Variants in ARHGAP6 observed in about 807,000 individuals in gnomAD.
ARHGAP6 encodes the protein rho GTPase-activating protein 6.
Under a neutral mutation model 55.7 loss-of-function variants are expected in ARHGAP6, and 16 were observed. That is an observed-to-expected ratio of 0.29 (90% CI 0.19 to 0.44). The LOEUF (loss-of-function observed/expected upper bound fraction) is 0.44, where lower values mean the gene tolerates loss of function less well. Among genes scored for constraint, ARHGAP6 ranks in the 20% least tolerant of loss-of-function variants. The pLI is 1.00. For synonymous variants in ARHGAP6, 382 were observed against 360.9 expected (o/e 1.06, Z -0.66); for missense variants, 698 against 808.9 (o/e 0.86, Z 1.66).
In ARHGAP6 at chrX:11,425,235, A is replaced by C. The variant is rs190944559; in HGVS notation, c.589-170528T>G. ...CATTCATGTCAAGGAAGACAGACCC[A>C]AAAAAAACCCAAGATCACAGGAAAA... On this transcript the variant is annotated intron_variant, in intron 1 of 12. Transcript: ENST00000337414. Among the ~76,000 whole-genome samples the C allele has an allele frequency of 4.5e-3, 499 of 111,405 alleles. 3 individuals are homozygous for C. The highest frequency in any genetic ancestry group is 6.3e-3 in the Non-Finnish European group (331 of 52,897).
At chrX:11,363,119 T>C (rs528876053) in intron 1 of ARHGAP6, among the ~76,000 whole-genome samples, 1 of 112,068 alleles carries the variant, frequency 8.9e-6, no homozygotes, top group African/African-American at 3.2e-5. Flanking sequence ...GTTCCACAAA[T>C]AGCTAATGAG....
intron 1 of ARHGAP6, among the ~76,000 whole-genome samples, chrX:11,429,629 C>T (rs942414581): frequency 1.8e-5 from 2 of 112,296 alleles, no homozygotes; most frequent in Non-Finnish European, 3.8e-5. Flanking sequence ...TTTCATTCTC[C>T]CACAGCCTGA....
intron 3 of ARHGAP6, among the ~76,000 whole-genome samples, chrX:11,190,789 C>T (rs1248165413): frequency 9.0e-6 from 1 of 111,422 alleles, no homozygotes; most frequent in Non-Finnish European, 1.9e-5. Context: ...TAAGGAAAAC[C>T]AACCAGACTC....
rs749660437 is a variant in ARHGAP6 at position 11,182,031 on chromosome X, G to A, written c.1329+32C>T. ...AAGGTAATTCAATTGAAAGTCATGTGAAACAAAATATAATCTTTACTTTTC... is the reference window on the plus strand; with the variant it reads ...AAGGTAATTCAATTGAAAGTCATGTAAAACAAAATATAATCTTTACTTTTC... On this transcript the variant is annotated intron_variant, in intron 6 of 12. Coordinates refer to ENST00000337414, the MANE Select transcript of ARHGAP6 (RefSeq NM_013427.3). 1.3e-5 allele frequency: 15 copies of A among 1,153,695 alleles called. No homozygotes were observed. The East Asian group carries it at 4.6e-4, about 36-fold the overall frequency.
At chrX:11,477,966 A>G (rs2050420383) in intron 1 of ARHGAP6, among the ~76,000 whole-genome samples, 1 of 112,082 alleles carries the variant, frequency 8.9e-6, no homozygotes, top group Non-Finnish European at 1.9e-5. Context: ...CACACTTAAG[A>G]TGGCATATTT....
intron 1 of ARHGAP6, among the ~76,000 whole-genome samples, chrX:11,545,863 A>T (rs1242167164): frequency 9.0e-6 from 1 of 111,649 alleles, no homozygotes; most frequent in Non-Finnish European, 1.9e-5. Flanking sequence ...AACTGCAACA[A>T]AATAATTATG....
At chrX:11,143,955 C>T (rs1010055642) in intron 11 of ARHGAP6, 25 bp downstream of exon 11, 7 of 1,210,380 alleles carry the variant, frequency 5.8e-6, no homozygotes, top group African/African-American at 3.5e-5. Flanking sequence ...TTTTGGCCAG[C>T]GCCTGCTGGC....
At chrX:11,335,077 C>T (rs1259632591) in intron 1 of ARHGAP6, 1 of 124,845 alleles carries the variant, frequency 8.0e-6, no homozygotes, top group Non-Finnish European at 1.7e-5. Context: ...ACAAAACTGG[C>T]TCCAACCCTT....
At chrX:11,637,110 TA>T (rs1159709211) in intron 1 of ARHGAP6, among the ~76,000 whole-genome samples, 3 of 111,684 alleles carry the variant, frequency 2.7e-5, no homozygotes, top group African/African-American at 9.7e-5. Flanking sequence ...GCTGTAAACT[TA>T]CGCAGAAAAT....
chrX:11,346,749 A>AAGAAAGAG (rs2048792301), intron 1 of ARHGAP6, among the ~76,000 whole-genome samples: 1 of 110,907 alleles, frequency 9.0e-6, no homozygotes, highest in Non-Finnish European at 1.9e-5. Context: ...GAAAGAAAGA[A>AAGAAAGAG]AGAAAGAGAG....
chrX:11,174,672 TTTCTTTCTTTCTTTCA>T (rs1569241708), intron 8 of ARHGAP6, among the ~76,000 whole-genome samples: 14 of 85,405 alleles, frequency 1.6e-4, no homozygotes, highest in South Asian at 6.0e-4. Context: ...TCTTTCTTTC[TTTCTTTCTTTCTTTCA>T]TTCATTTATT....
intron 1 of ARHGAP6, among the ~76,000 whole-genome samples, chrX:11,562,463 G>C (rs981374014): frequency 9.0e-6 from 1 of 111,523 alleles, no homozygotes; most frequent in East Asian, 2.8e-4. Context: ...AATGCTTAGA[G>C]TCAACAATCC....
chrX:11,512,930 C>T (rs2050798833), intron 1 of ARHGAP6, among the ~76,000 whole-genome samples: 1 of 111,994 alleles, frequency 8.9e-6, no homozygotes, highest in African/African-American at 3.2e-5. Flanking sequence ...TGGTTTGTTA[C>T]ACATCAATAG....
At position 11,277,449 on chromosome X, in the gene ARHGAP6, AC is replaced by A. The variant is rs751013014; in HGVS notation, c.589-22743del. ...ATGTAGCCAAAAACAAAAAAAAAAA[AC>A]GTAGACAACATGACTCCAAATAGCA... On this transcript the variant is annotated intron_variant, in intron 1 of 12. Coordinates refer to ENST00000337414, the MANE Select transcript of ARHGAP6 (RefSeq NM_013427.3). 6.3e-5 allele frequency among the ~76,000 whole-genome samples: 7 copies of A among 111,703 alleles called. 1 individual carries two copies. In the South Asian group the frequency reaches 2.6e-3, roughly 42 times the overall value.
intron 1 of ARHGAP6, among the ~76,000 whole-genome samples, chrX:11,324,400 T>C (rs760285215): frequency 9.1e-6 from 1 of 109,767 alleles, no homozygotes; most frequent in East Asian, 2.9e-4. Context: ...CAAAACTCAA[T>C]TAACATCTGT....
rs1404601771 is a variant in ARHGAP6, at chrX:11,437,919, C to T, written c.589-183212G>A. 5.3e-5 allele frequency among the ~76,000 whole-genome samples: 6 copies of T among 112,227 alleles called. No individual in the cohort carries two copies. In the East Asian group the frequency reaches 1.4e-3, roughly 26 times the overall value. On this transcript the variant is annotated intron_variant, in intron 1 of 12. Transcript: ENST00000337414. ...TGAGATATTCCGGGCAGAGCACAGA[C>T]AGAGTCCACTGTGCTTTTTGGTTGA...
At chrX:11,308,334 T>G (rs2048259091) in intron 1 of ARHGAP6, among the ~76,000 whole-genome samples, 1 of 111,655 alleles carries the variant, frequency 9.0e-6, no homozygotes, top group South Asian at 3.8e-4. Context: ...GTTCTTTCTA[T>G]GAAATCATTA....
rs774447416 is a variant in ARHGAP6 at position 11,397,069 on chromosome X, GC to G, written c.589-142363del. ...TCATTACTAGCAACTGTTGTGAGAT[GC>G]CCCTGCCTGTAAGAACTGCGACAAG... On this transcript the variant is annotated intron_variant, in intron 1 of 12. Transcript: ENST00000337414. 8.9e-4 allele frequency among the ~76,000 whole-genome samples: 99 copies of G among 111,352 alleles called. No individual in the cohort carries two copies. In the Middle Eastern group the frequency reaches 0.014, roughly 15 times the overall value.
intron 1 of ARHGAP6, among the ~76,000 whole-genome samples, chrX:11,587,475 C>T (rs2051748641): frequency 9.0e-6 from 1 of 111,343 alleles, no homozygotes; most frequent in African/African-American, 3.3e-5. Flanking sequence ...GAAAGAAGAC[C>T]CTAAGTCAAG....
Sources: allele counts gnomAD v4.1 joint callset (sites outside exome capture counted in the v4.1 genomes callset), GRCh38; gene constraint gnomAD v4.1.1; transcripts MANE v1.5; gene names NCBI Gene and HGNC (gene_info 2026-07-23, HGNC 2026-07-21).